ACAA1: variants seen among roughly 807,000 people sequenced by gnomAD.
ACAA1 encodes the protein 3-ketoacyl-CoA thiolase, peroxisomal.
A neutral mutation model predicts 48.8 loss-of-function variants in ACAA1; 44 were observed. That is an observed-to-expected ratio of 0.90 (90% CI 0.71 to 1.16). ACAA1 has a LOEUF of 1.16. Among genes scored for constraint, ACAA1 ranks in the 50% most tolerant of loss-of-function variants. The pLI is 0.00. For synonymous variants in ACAA1, 233 were observed against 226.5 expected (o/e 1.03, Z -0.26); for missense variants, 512 against 562.3 (o/e 0.91, Z 0.90).
In ACAA1 at chr3:38,122,976, T is replaced by G; in HGVS notation, c.*71A>C. 6.6e-7 allele frequency: 1 copy of G among 1,522,738 alleles called. No individual in the cohort carries two copies. Among genetic ancestry groups the G allele is most frequent in the Non-Finnish European group, 9.1e-7 (1 of 1,101,006 alleles). 94.3% of individuals were successfully genotyped at this position (1,522,738 alleles called of 1,614,324 possible). A position where few individuals can be genotyped will look rare whatever the true frequency, so the allele number is the denominator to read the frequency against. On this transcript the variant is annotated 3_prime_UTR_variant, in exon 12 of 12. Coordinates refer to ENST00000333167, the MANE Select transcript of ACAA1 (RefSeq NM_001607.4). ...CTGAGTTTTCCCATGTGGTTTTGCT[T>G]TTGTGGTGTTACTGCCTTGCTGCTA...
chr3:38,137,011 C>G lies in ACAA1; in HGVS notation c.25G>C (p.Gly9Arg), dbSNP rs748918868. Residue 9 changes from glycine (G) to arginine (R), a missense_variant, in exon 1 of 12, where the codon GGC becomes CGC. Gly to Arg is a moderately radical substitution (Grantham distance 125, BLOSUM62 -2). Coordinates refer to ENST00000333167, the MANE Select transcript of ACAA1 (RefSeq NM_001607.4). ...GAATCGGCCGGACCCCTCAGGTGGC[C>G]CAGCACTACCTGCAGCCTCTGCATT... The part of the protein sequence containing the change: MQRLQVVL[G>R]HLRGPADSGW... 11 of 1,567,100 alleles carry G rather than the reference C, an allele frequency of 7.0e-6. No individual in the cohort carries two copies. Among genetic ancestry groups the G allele is most frequent in the Non-Finnish European group, 9.5e-6 (11 of 1,158,412 alleles).
At chr3:38,123,248 C>CG in intron 11 of ACAA1, 126 bp from the exon 12 acceptor site, 1 of 867,196 alleles carries the variant, frequency 1.2e-6, no homozygotes, top group African/African-American at 1.6e-5. Flanking sequence ...TGTGGGCAAG[C>CG]GGTACCCTGG....
intron 10 of ACAA1, 48 bp downstream of exon 10, chr3:38,125,778 C>T: frequency 6.2e-7 from 1 of 1,614,190 alleles, no homozygotes; most frequent in African/African-American, 1.3e-5. Flanking sequence ...CCGCTCACTC[C>T]ACCTCGGCTG....
At position 38,126,275 on chromosome 3, in the gene ACAA1, T is replaced by A; in HGVS notation, c.884A>T (p.Glu295Val). The change falls in exon 9 of 12, where the codon GAG (glutamate) becomes GTG (valine). Residue 295 changes from glutamate to valine, a missense_variant. Coordinates refer to ENST00000333167, the MANE Select transcript of ACAA1 (RefSeq NM_001607.4). This position sits in a 1 kb window ranked among gnomAD's most constrained non-coding sequence, Gnocchi z 4.7. Reference protein sequence around the residue: ...ILLARRSKAEELGLPILGVLR... With the variant: ...ILLARRSKAEVLGLPILGVLR... ...GACCCCAAGGATGGGAAGGCCCAACTCTTCTGCCTTGGACCTCCGGGCCAG... is the reference window on the plus strand; with the variant it reads ...GACCCCAAGGATGGGAAGGCCCAACACTTCTGCCTTGGACCTCCGGGCCAG... 1 of 1,614,140 alleles carries A rather than the reference T, an allele frequency of 6.2e-7. No homozygotes were observed. The highest frequency in any genetic ancestry group is 8.5e-7 in the Non-Finnish European group (1 of 1,180,022).
chr3:38,132,016 A>G lies in ACAA1; in HGVS notation c.324-11T>C. 1.2e-6 allele frequency: 2 copies of G among 1,610,276 alleles called. No homozygotes were observed. The highest frequency in any genetic ancestry group is 1.7e-6 in the Non-Finnish European group (2 of 1,176,840). The stretch of plus-strand genomic sequence containing the variant: ...GTCTCCGGGATGTCACTGAAACAGA[A>G]GGTGAGAAAGTAGAATCAGCCCCCA... On this transcript the variant is annotated splice_polypyrimidine_tract_variant and intron_variant, in intron 3 of 11. Transcript: ENST00000333167.
Position 38,126,704 on chromosome 3 carries a change from C to T in ACAA1, c.627-4G>A, listed in dbSNP as rs1411376589. On this transcript the variant is annotated splice_polypyrimidine_tract_variant and splice_region_variant and intron_variant, in intron 7 of 11. Coordinates refer to ENST00000333167, the MANE Select transcript of ACAA1 (RefSeq NM_001607.4). The surrounding 1 kb of genome is among the most constrained non-coding windows in gnomAD (Gnocchi z 4.7). ...CTTGCTCTGGGCTCTTGCTGCCCTG[C>T]CAGCACCATGGACAGCCAGCTTCAG... 6.2e-7 allele frequency: 1 copy of T among 1,613,096 alleles called. No individual in the cohort carries two copies. The highest frequency in any genetic ancestry group is 2.2e-5 in the East Asian group (1 of 44,886).
At chr3:38,124,183 G>A (rs1288586724) in intron 11 of ACAA1, 1 of 152,146 alleles carries the variant, frequency 6.6e-6, no homozygotes, top group East Asian at 1.9e-4. Flanking sequence ...ATTATAAACA[G>A]ACAAACTGTA....
In ACAA1 at chr3:38,126,423, G is replaced by C. The variant is rs1299322357; in HGVS notation, c.818-82C>G. On this transcript the variant is annotated intron_variant, in intron 8 of 11. Transcript: ENST00000333167. This position sits in a 1 kb window ranked among gnomAD's most constrained non-coding sequence, Gnocchi z 4.7. ...CCCTCCCACTTCTACTTTGCAGAGG[G>C]GCCTGGTCTATTCCAGGTTCCCAGA... The C allele has an allele frequency of 8.7e-6, 14 of 1,608,052 alleles. No homozygotes were observed. The Admixed American group carries it at 2.2e-4, about 25-fold the overall frequency.
At chr3:38,132,034 A>G in intron 3 of ACAA1, 29 bp from the exon 4 acceptor site, 1 of 1,589,832 alleles carries the variant, frequency 6.3e-7, no homozygotes, top group African/African-American at 1.3e-5. Flanking sequence ...AAGTAGAATC[A>G]GCCCCCAATT....
At chr3:38,135,478 T>C (rs1559480085) in intron 2 of ACAA1, among the ~76,000 whole-genome samples, 1 of 151,996 alleles carries the variant, frequency 6.6e-6, no homozygotes, top group East Asian at 1.9e-4. Flanking sequence ...TATAAGGTAA[T>C]GGTGGGGAGG....
Position 38,127,814 on chromosome 3 carries a change from C to T in ACAA1, c.598G>A (p.Asp200Asn), listed in dbSNP as rs776755849. ...TGCTGGGAAGCCAGGGCAAAGGTAT[C>T]CTGCTTCTCCCGTGAAATGCCAAAC... ...ERFGISREKQ[D>N]TFALASQQKA... The change falls in exon 7 of 12, where the codon GAT becomes AAT. Residue 200 changes from aspartate to asparagine, a missense_variant. Transcript: ENST00000333167. 2.5e-6 allele frequency: 4 copies of T among 1,614,204 alleles called. No homozygotes were observed. The highest frequency in any genetic ancestry group is 2.5e-6 in the Non-Finnish European group (3 of 1,180,038).
Position 38,126,534 on chromosome 3 carries a change from T to G in ACAA1, c.793A>C (p.Lys265Gln). ...CCAGCTGTGGTAGAACCATCTTTCTTGAAGGCAGGCTTCAGTTTGGCCAGG... is the reference window on the plus strand; with the variant it reads ...CCAGCTGTGGTAGAACCATCTTTCTGGAAGGCAGGCTTCAGTTTGGCCAGG... ...EGLAKLKPAFKKDGSTTAGNS... is the reference protein window; with the variant it reads ...EGLAKLKPAFQKDGSTTAGNS... Residue 265 changes from lysine to glutamine, a missense_variant, in exon 8 of 12, where the codon AAG becomes CAG. Transcript: ENST00000333167. The surrounding 1 kb of genome is among the most constrained non-coding windows in gnomAD (Gnocchi z 4.7). The G allele has an allele frequency of 6.2e-7, 1 of 1,614,206 alleles. No homozygotes were observed. The highest frequency in any genetic ancestry group is 1.7e-5 in the Admixed American group (1 of 60,030).
chr3:38,133,865 C>G, intron 3 of ACAA1, 87 bp downstream of exon 3: 1 of 1,432,842 alleles, frequency 7.0e-7, no homozygotes, highest in Non-Finnish European at 9.8e-7. Context: ...ACCTTATCCT[C>G]CCCAACCTGC....
At chr3:38,132,132 T>C in intron 3 of ACAA1, 127 bp from the exon 4 acceptor site, 1 of 747,808 alleles carries the variant, frequency 1.3e-6, no homozygotes, top group Non-Finnish European at 2.2e-6. Flanking sequence ...ACCCAGCAGC[T>C]CTGCTCCCAT....
rs1285016818 is a variant in ACAA1, at chr3:38,130,273, G to C, written c.447-885C>G. Among the ~76,000 whole-genome samples the C allele has an allele frequency of 3.9e-5, 6 of 152,226 alleles. No homozygotes were observed. In the South Asian group the frequency reaches 1.2e-3, roughly 32 times the overall value. ...CCAGCACTATTCTGAATTCTTTTGA[G>C]ATATTAGAGTGCTTCAGTGTCAGTC... On this transcript the variant is annotated intron_variant, in intron 5 of 11. Coordinates refer to ENST00000333167, the MANE Select transcript of ACAA1 (RefSeq NM_001607.4).
In ACAA1 at chr3:38,123,059, G is replaced by A. The variant is rs751145499; in HGVS notation, c.1263C>T (p.Tyr421=). The stretch of plus-strand genomic sequence containing the variant: ...CCTGGGACCTCACTCAGTTCCCAGG[G>A]TATTCAAAGACGGCAGCGGCTCCCA... The part of the protein sequence containing the change: ...TGMGAAAVFE[Y]PGN Residue 421 remains tyrosine (Y), a synonymous_variant, in exon 12 of 12, where the codon TAC becomes TAT. Coordinates refer to ENST00000333167, the MANE Select transcript of ACAA1 (RefSeq NM_001607.4). The A allele has an allele frequency of 1.9e-6, 3 of 1,614,120 alleles. No individual in the cohort carries two copies. The highest frequency in any genetic ancestry group is 2.7e-5 in the African/African-American group (2 of 75,042).
rs1700907656 is a variant in ACAA1 at position 38,136,760 on chromosome 3, GGGTGC to G, written c.172-80_172-76del. 4 of 1,500,978 alleles carry G rather than the reference GGGTGC, an allele frequency of 2.7e-6. No homozygotes were observed. In the East Asian group the frequency reaches 1.0e-4, roughly 37 times the overall value. 93.0% of individuals were successfully genotyped at this position (1,500,978 alleles called of 1,614,324 possible). On this transcript the variant is annotated intron_variant, in intron 1 of 11. Transcript: ENST00000333167. ...CCAGGGAGACAAAGCGACCACAGCT[GGGTGC>G]GGAGCTGCCTCCGGCGTCCAGGATA...
chr3:38,126,161 C>T lies in ACAA1; in HGVS notation c.997+1G>A. On this transcript the variant is annotated splice_donor_variant, in intron 9 of 11. Transcript: ENST00000333167. LOFTEE classifies it high-confidence loss of function. The surrounding 1 kb of genome is among the most constrained non-coding windows in gnomAD (Gnocchi z 4.7). Reference sequence around the variant, plus strand: ...GATACTATATGAAGGAGCCACCTTACCTGCTTTTTGCAAAGCTACTGGGAT... The same window carrying T: ...GATACTATATGAAGGAGCCACCTTATCTGCTTTTTGCAAAGCTACTGGGAT... 6.2e-7 allele frequency: 1 copy of T among 1,613,212 alleles called. No homozygotes were observed. Among genetic ancestry groups the T allele is most frequent in the Non-Finnish European group, 8.5e-7 (1 of 1,179,490 alleles).
intron 4 of ACAA1, 112 bp from the exon 5 acceptor site, chr3:38,131,750 A>T: frequency 7.4e-7 from 1 of 1,356,738 alleles, no homozygotes; most frequent in Non-Finnish European, 1.1e-6. Flanking sequence ...AGCCTCAGAA[A>T]TGGAAGACCC....
Sources: gnomAD v4.1 joint callset for allele counts (sites outside exome capture counted in the v4.1 genomes callset) on GRCh38, gnomAD v4.1.1 for gene constraint, Gnocchi (gnomAD v3.1) non-coding constraint, MANE v1.5 for transcripts, NCBI Gene and HGNC (gene_info 2026-07-23, HGNC 2026-07-21) for gene names.